The following WAPL variants were observed in gnomAD, a reference collection of about 807,000 sequenced individuals.
WAPL encodes wings apart-like protein homolog.
WAPL carries 5 observed loss-of-function variants against 121.0 expected under a neutral mutation model. The observed-to-expected ratio is 0.04, with a 90% CI of 0.02 to 0.09. The LOEUF (loss-of-function observed/expected upper bound fraction) is 0.09. Ranked by LOEUF, WAPL falls within the 10% of genes least tolerant of loss-of-function variation. The pLI is 1.00. For missense variants in WAPL, 999 were observed against 1,410.8 expected, an observed-to-expected ratio of 0.71 and a Z score of 4.68; for synonymous variants, 480 against 481.5, an observed-to-expected ratio of 1.00 and a Z score of 0.04.
Position 86,489,910 on chromosome 10 carries a change from G to A in WAPL, c.1644+7291C>T, listed in dbSNP as rs145738670. ...GAAAAAAAAAAAAAAAGGCTACTAC[G>A]TTAAGACACAGCTTAAGACACAGTT... is the stretch of plus-strand genomic sequence containing the variant. On this transcript the variant is annotated intron_variant, in intron 4 of 18. Transcript: ENST00000298767. 1.4e-3 allele frequency among the ~76,000 whole-genome samples: 194 copies of A among 142,552 alleles called. 4 individuals carry two copies. The East Asian group carries it at 0.031, about 23-fold the overall frequency. 93.5% of individuals were successfully genotyped at this position (142,552 alleles called of 152,430 possible). A position where few individuals can be genotyped will look rare whatever the true frequency, so the allele number is the denominator to read the frequency against.
intron 4 of WAPL, among the ~76,000 whole-genome samples, chr10:86,495,904 C>G (rs1191951808): frequency 6.6e-6 from 1 of 152,118 alleles, no homozygotes; most frequent in African/African-American, 2.4e-5. Context: ...CACCTGAGGT[C>G]AGGAGTTAGG....
intron 2 of WAPL, among the ~76,000 whole-genome samples, chr10:86,514,389 G>A (rs1381096438): frequency 6.6e-6 from 1 of 152,134 alleles, no homozygotes; most frequent in African/African-American, 2.4e-5. Flanking sequence ...ATCCTACAGG[G>A]AGCTGCCAAG....
At chr10:86,440,195 A>G (rs1849426873) in intron 17 of WAPL, among the ~76,000 whole-genome samples, 1 of 152,212 alleles carries the variant, frequency 6.6e-6, no homozygotes, top group Non-Finnish European at 1.5e-5. Flanking sequence ...TTCAAGAACG[A>G]TTATGTAAGA....
chr10:86,455,720 AAAG>A (rs1841129990), intron 12 of WAPL, among the ~76,000 whole-genome samples: 1 of 151,502 alleles, frequency 6.6e-6, no homozygotes, highest in African/African-American at 2.4e-5. Context: ...AAAAAGAAAA[AAAG>A]AAAACAAATA....
At chr10:86,439,616 G>A (rs1360210671) in intron 17 of WAPL, among the ~76,000 whole-genome samples, 1 of 152,210 alleles carries the variant, frequency 6.6e-6, no homozygotes, top group Non-Finnish European at 1.5e-5. Flanking sequence ...AATTTTAAAA[G>A]TGTCCAGTAG....
intron 9 of WAPL, among the ~76,000 whole-genome samples, chr10:86,465,561 T>C (rs924192762): frequency 2.0e-4 from 30 of 152,220 alleles, no homozygotes; most frequent in Admixed American, 1.2e-3. Flanking sequence ...AGTTTACCCA[T>C]TGATCCTAGT....
At position 86,479,382 on chromosome 10, in the gene WAPL, C is replaced by T. The variant is rs572816527; in HGVS notation, c.1645-5409G>A. Among the ~76,000 whole-genome samples, 23 of 152,168 alleles carry T rather than the reference C, an allele frequency of 1.5e-4. No homozygotes were observed. In the South Asian group the frequency reaches 4.6e-3, roughly 30 times the overall value. On this transcript the variant is annotated intron_variant, in intron 4 of 18. Transcript: ENST00000298767. ...AAGCGATTCTCCTGCCTCAGCCTCCCGAGTAGCTGGGATTACAAGCGCCAG... is the reference window on the plus strand; with the variant it reads ...AAGCGATTCTCCTGCCTCAGCCTCCTGAGTAGCTGGGATTACAAGCGCCAG...
chr10:86,440,397 G>C (rs536790162), intron 17 of WAPL, among the ~76,000 whole-genome samples: 7 of 151,546 alleles, frequency 4.6e-5, no homozygotes, highest in African/African-American at 7.3e-5. Context: ...ACGCCATTCT[G>C]CTGCCTCAGC....
At chr10:86,475,528 A>G (rs1477475983) in intron 4 of WAPL, among the ~76,000 whole-genome samples, 1 of 152,236 alleles carries the variant, frequency 6.6e-6, no homozygotes, top group African/African-American at 2.4e-5. Flanking sequence ...ATCTCTAATA[A>G]AGTGGAAAAA....
chr10:86,506,232 C>CCAAAAA (rs1183406110), intron 2 of WAPL, among the ~76,000 whole-genome samples: 1 of 151,632 alleles, frequency 6.6e-6, no homozygotes, highest in Non-Finnish European at 1.5e-5. Context: ...GAGACCATCT[C>CCAAAAA]CAAAAACAAA....
intron 2 of WAPL, among the ~76,000 whole-genome samples, chr10:86,515,040 A>G (rs1401321842): frequency 6.6e-6 from 1 of 152,300 alleles, no homozygotes; most frequent in South Asian, 2.1e-4. Context: ...CGGGTGGATC[A>G]CATGAGGTCA....
chr10:86,469,988 A>G (rs1841499339), intron 8 of WAPL, among the ~76,000 whole-genome samples: 1 of 152,094 alleles, frequency 6.6e-6, no homozygotes, highest in African/African-American at 2.4e-5. Context: ...TCTCCAGAGT[A>G]GCTAGGACTT....
At chr10:86,491,767 A>G (rs1842053116) in intron 4 of WAPL, among the ~76,000 whole-genome samples, 1 of 152,080 alleles carries the variant, frequency 6.6e-6, no homozygotes, top group Non-Finnish European at 1.5e-5. Flanking sequence ...ACTATAAAAC[A>G]TTTAGTAAAT....
intron 2 of WAPL, among the ~76,000 whole-genome samples, chr10:86,509,182 T>G (rs1842409405): frequency 6.6e-6 from 1 of 152,216 alleles, no homozygotes; most frequent in African/African-American, 2.4e-5. Flanking sequence ...AGGCTTCTTA[T>G]CTCAGCTCCA....
intron 4 of WAPL, among the ~76,000 whole-genome samples, chr10:86,492,828 G>A (rs542189242): frequency 1.2e-4 from 18 of 152,252 alleles, no homozygotes; most frequent in African/African-American, 3.6e-4. Context: ...AAGCCGAGGC[G>A]AGCAGATCAC....
chr10:86,491,438 A>C (rs1183459549), intron 4 of WAPL, among the ~76,000 whole-genome samples: 1 of 152,002 alleles, frequency 6.6e-6, no homozygotes, highest in Non-Finnish European at 1.5e-5. Flanking sequence ...CACGCCCGGC[A>C]TGGTTCATTT....
At chr10:86,466,800 A>G (rs183708217) in intron 9 of WAPL, among the ~76,000 whole-genome samples, 2 of 152,120 alleles carry the variant, frequency 1.3e-5, no homozygotes, top group Admixed American at 6.5e-5. Flanking sequence ...CGGGCTCAGG[A>G]TATTTCTCTG....
rs180901671 is a variant in WAPL, at chr10:86,472,959, C to A, written c.1741-195G>T. On this transcript the variant is annotated intron_variant, in intron 5 of 18. Transcript: ENST00000298767. This position sits in a 1 kb window ranked among gnomAD's most constrained non-coding sequence, Gnocchi z 4.2. Reference sequence around the variant, plus strand: ...AACAGGTAAGACATATGTATATCTGCACACAGAAGAACCACTCAAGGATTT... The same window carrying A: ...AACAGGTAAGACATATGTATATCTGAACACAGAAGAACCACTCAAGGATTT... Among the ~76,000 whole-genome samples, 1 of 152,314 alleles carries A rather than the reference C, an allele frequency of 6.6e-6. No individual in the cohort carries two copies. Among genetic ancestry groups the A allele is most frequent in the Admixed American group, 6.5e-5 (1 of 15,298 alleles).
intron 4 of WAPL, among the ~76,000 whole-genome samples, chr10:86,478,940 CA>C (rs1374975457): frequency 2.6e-5 from 4 of 151,800 alleles, no homozygotes; most frequent in African/African-American, 9.7e-5. Context: ...ACTAAAAATA[CA>C]AAAAAATTAG....
Sources: gnomAD v4.1 joint callset for allele counts (sites outside exome capture counted in the v4.1 genomes callset) on GRCh38, gnomAD v4.1.1 for gene constraint, Gnocchi (gnomAD v3.1) non-coding constraint, MANE v1.5 for transcripts, NCBI Gene and HGNC (gene_info 2026-07-23, HGNC 2026-07-21) for gene names.